Variants in CCDC171 observed in about 807,000 individuals in gnomAD.
The protein encoded by CCDC171 is coiled-coil domain containing 171.
In CCDC171, 177 loss-of-function variants were observed where a neutral mutation model predicts 168.2. The observed-to-expected ratio is 1.05, with a 90% CI of 0.93 to 1.19. The LOEUF (loss-of-function observed/expected upper bound fraction) is 1.19, where lower values mean the gene tolerates loss of function less well. Among genes scored for constraint, CCDC171 ranks in the 50% most tolerant of loss-of-function variants. The pLI, the probability that CCDC171 is intolerant of heterozygous loss-of-function variation, is 0.00. For synonymous variants in CCDC171, 687 were observed against 540.8 expected, an observed-to-expected ratio of 1.27 and a Z score of -3.75; for missense variants, 1,991 against 1,539.0, an observed-to-expected ratio of 1.29 and a Z score of -4.91.
intron 20 of CCDC171, among the ~76,000 whole-genome samples, 195 bp from the exon 21 acceptor site, chr9:15,784,314 G>A (rs182431571): frequency 2.0e-5 from 3 of 152,196 alleles, no homozygotes; most frequent in Non-Finnish European, 2.9e-5. Context: ...TGATAACTAA[G>A]TGTGGCTGTT....
chr9:15,678,934 A>G lies in CCDC171; in HGVS notation c.1215+38A>G, dbSNP rs771261283. 15 of 1,440,576 alleles carry G rather than the reference A, an allele frequency of 1.0e-5. No homozygotes were observed. The African/African-American group carries it at 2.2e-4, about 21-fold the overall frequency. The allele number at this position is 1,440,576 out of a possible 1,614,324, so 89.2% of individuals were successfully genotyped here. ...AAGAAAACCCTATGGAAATCACTTT[A>G]TTAGGTCATATTGGATGTATAGCAG... On this transcript the variant is annotated intron_variant, in intron 10 of 25. Coordinates refer to ENST00000380701, the MANE Select transcript of CCDC171 (RefSeq NM_173550.4).
chr9:15,662,787 C>T (rs910291243), intron 8 of CCDC171, among the ~76,000 whole-genome samples: 1 of 151,862 alleles, frequency 6.6e-6, no homozygotes, highest in Non-Finnish European at 1.5e-5. Flanking sequence ...ACCAGCCTGG[C>T]CAACATGGTG....
chr9:15,940,658 A>G (rs1032990381), intron 25 of CCDC171, among the ~76,000 whole-genome samples: 2 of 151,908 alleles, frequency 1.3e-5, no homozygotes, highest in Admixed American at 6.6e-5. Flanking sequence ...TATCTCCTCA[A>G]TATTTCTCCC....
At chr9:15,583,408 CAAAA>C (rs753789809) in intron 4 of CCDC171, among the ~76,000 whole-genome samples, 2 of 95,808 alleles carry the variant, frequency 2.1e-5, no homozygotes, top group Non-Finnish European at 2.1e-5. Context: ...GACTCCATCT[CAAAA>C]AAAAAAAAAA....
At chr9:15,964,443 A>T (rs1564079391) in intron 25 of CCDC171, among the ~76,000 whole-genome samples, 1 of 149,910 alleles carries the variant, frequency 6.7e-6, no homozygotes, top group Non-Finnish European at 1.5e-5. Context: ...AATTCTCTCG[A>T]ATTGTTTGGG....
chr9:16,100,785 G>A, the CCDC171 span, among the ~76,000 whole-genome samples: 1 of 152,158 alleles, frequency 6.6e-6, no homozygotes, highest in Non-Finnish European at 1.5e-5. Context: ...GTAGCCCAGA[G>A]AGCCTGTCAG....
At chr9:15,866,225 T>G (rs1588917211) in intron 23 of CCDC171, among the ~76,000 whole-genome samples, 2 of 151,924 alleles carry the variant, frequency 1.3e-5, no homozygotes, top group East Asian at 3.9e-4. Flanking sequence ...GGGGTTGATG[T>G]GGTTGGATTT....
chr9:15,558,207 T>C (rs1486291981), intron 1 of CCDC171, among the ~76,000 whole-genome samples: 1 of 152,120 alleles, frequency 6.6e-6, no homozygotes, highest in Non-Finnish European at 1.5e-5. Context: ...TCTTTTTTTG[T>C]TGTGTCTCTG....
At chr9:15,749,143 C>CAAAA (rs144579400) in intron 18 of CCDC171, among the ~76,000 whole-genome samples, 1 of 137,036 alleles carries the variant, frequency 7.3e-6, no homozygotes, top group Non-Finnish European at 1.6e-5. Flanking sequence ...AAATGGAAAG[C>CAAAA]AAAAAAAAAA....
chr9:15,954,121 T>A (rs1306296783), intron 25 of CCDC171, among the ~76,000 whole-genome samples: 6 of 151,710 alleles, frequency 4.0e-5, no homozygotes, highest in Admixed American at 3.9e-4. Context: ...GAACCAACTT[T>A]TGGTTTCATT....
rs560798122 is a variant in CCDC171, at chr9:15,687,704, C to T, written c.1216-7531C>T. On this transcript the variant is annotated intron_variant, in intron 10 of 25. Coordinates refer to ENST00000380701, the MANE Select transcript of CCDC171 (RefSeq NM_173550.4). ...CATGAACGAAAGGGGGATATAACTA[C>T]TGACCACGCAGAAATAGAAATAATT... Among the ~76,000 whole-genome samples the T allele has an allele frequency of 4.6e-5, 7 of 152,262 alleles. No individual in the cohort carries two copies. In the South Asian group the frequency reaches 1.5e-3, roughly 32 times the overall value.
chr9:15,695,082 A>G (rs1291021903), intron 10 of CCDC171, among the ~76,000 whole-genome samples, 153 bp from the exon 11 acceptor site: 1 of 152,260 alleles, frequency 6.6e-6, no homozygotes, highest in East Asian at 1.9e-4. Context: ...TAAGCCAAGT[A>G]AAAGGTATGA....
chr9:15,559,761 G>C (rs2039120086), intron 1 of CCDC171, among the ~76,000 whole-genome samples: 2 of 152,076 alleles, frequency 1.3e-5, no homozygotes, highest in Non-Finnish European at 2.9e-5. Flanking sequence ...GTGTGAATTT[G>C]ATCCTGTCAT....
chr9:15,662,483 C>T (rs1316315178), intron 8 of CCDC171, among the ~76,000 whole-genome samples: 2 of 152,076 alleles, frequency 1.3e-5, no homozygotes, highest in Admixed American at 1.3e-4. Flanking sequence ...ACACAGAGTT[C>T]CGTAACTTTT....
upstream of CCDC171, among the ~76,000 whole-genome samples, chr9:16,042,633 T>C (rs1833591006): frequency 6.6e-6 from 1 of 152,162 alleles, no homozygotes; most frequent in Non-Finnish European, 1.5e-5. Context: ...ATACAGATTT[T>C]TTGAATGAGT....
intron 7 of CCDC171, among the ~76,000 whole-genome samples, chr9:15,643,542 G>T (rs1045178938): frequency 1.2e-4 from 19 of 152,050 alleles, no homozygotes; most frequent in African/African-American, 4.6e-4. Context: ...ATTCCAATCA[G>T]GGATTCTTTA....
chr9:15,577,303 A>C (rs536551050), intron 3 of CCDC171, among the ~76,000 whole-genome samples: 33 of 152,256 alleles, frequency 2.2e-4, no homozygotes, highest in African/African-American at 7.9e-4. Context: ...GTGTTTGTAA[A>C]TTCTCTAGTA....
chr9:15,744,836 T>C, intron 17 of CCDC171, 59 bp downstream of exon 17: 1 of 1,478,592 alleles, frequency 6.8e-7, no homozygotes, highest in Non-Finnish European at 9.1e-7. Flanking sequence ...ACAGTGTGAC[T>C]ATACCTGGCT....
Position 16,051,035 on chromosome 9 carries a change from T to C in CCDC171, n.89+8149T>C, listed in dbSNP as rs555415523. On this transcript the variant is annotated intron_variant and non_coding_transcript_variant, in intron 1 of 1. Transcript: ENST00000478913. ...ACCTGAGTGTTTATACTTGCAAAAATATATTTTATTGCCTATTTTACTGTA... is the reference window on the plus strand; with the variant it reads ...ACCTGAGTGTTTATACTTGCAAAAACATATTTTATTGCCTATTTTACTGTA... 1.4e-4 allele frequency among the ~76,000 whole-genome samples: 21 copies of C among 152,316 alleles called. No homozygotes were observed. The South Asian group carries it at 4.1e-3, about 30-fold the overall frequency.
Sources: allele counts gnomAD v4.1 joint callset (sites outside exome capture counted in the v4.1 genomes callset), GRCh38; gene constraint gnomAD v4.1.1; transcripts MANE v1.5; gene names NCBI Gene and HGNC (gene_info 2026-07-23, HGNC 2026-07-21).